GTF2IRD1: variants seen among roughly 807,000 people sequenced by gnomAD.
GTF2IRD1 encodes the protein GTF2I repeat domain containing 1, also known as general transcription factor II-I repeat domain-containing protein 1.
GTF2IRD1 carries 26 observed loss-of-function variants against 113.2 expected under a neutral mutation model. That is an observed-to-expected ratio of 0.23 (90% CI 0.17 to 0.32). The LOEUF is 0.32. Among genes scored for constraint, GTF2IRD1 ranks in the 10% least tolerant of loss-of-function variants. GTF2IRD1 has a pLI of 1.00. For missense variants in GTF2IRD1, 864 were observed against 1,280.8 expected (o/e 0.67, Z 4.97); for synonymous variants, 484 against 529.1 (o/e 0.91, Z 1.17).
At position 74,512,774 on chromosome 7, in the gene GTF2IRD1, A is replaced by G; in HGVS notation, c.124-56A>G. 2 of 1,568,120 alleles carry G rather than the reference A, an allele frequency of 1.3e-6. No homozygotes were observed. Among genetic ancestry groups the G allele is most frequent in the African/African-American group, 1.3e-5 (1 of 74,330 alleles). On this transcript the variant is annotated intron_variant, in intron 2 of 26. Coordinates refer to ENST00000424337, the MANE Select transcript of GTF2IRD1 (RefSeq NM_005685.4). This position sits in a 1 kb window ranked among gnomAD's most constrained non-coding sequence, Gnocchi z 4.4. Reference sequence around the variant, plus strand: ...ACATCCCACCCCCGAAGTGGATACTAGAGGTGTTCGGAGTATGGGGAGCCC... The same window carrying G: ...ACATCCCACCCCCGAAGTGGATACTGGAGGTGTTCGGAGTATGGGGAGCCC...
At chr7:74,570,388 G>A (rs1248787053) in intron 22 of GTF2IRD1, among the ~76,000 whole-genome samples, 4 of 149,204 alleles carry the variant, frequency 2.7e-5, no homozygotes, top group African/African-American at 9.9e-5. Context: ...GCCAGACACA[G>A]TGGCTCATTG....
chr7:74,572,237 G>A (rs922883539), intron 22 of GTF2IRD1, among the ~76,000 whole-genome samples: 2 of 152,122 alleles, frequency 1.3e-5, no homozygotes, highest in African/African-American at 4.8e-5. Flanking sequence ...CTGAAGAGCG[G>A]CAGGCACAGG....
chr7:74,476,366 C>CTTTTTTTTTTTTTTTTTTTT lies in GTF2IRD1; in HGVS notation c.-7+22201_-7+22202insTTTTTTTTTTTTTTTTTTTT, dbSNP rs61151844. On this transcript the variant is annotated intron_variant, in intron 1 of 26. Coordinates refer to ENST00000424337, the MANE Select transcript of GTF2IRD1 (RefSeq NM_005685.4). ...CCCGCTTGGAAGCCTTCTGAACCTCCTTTTTTTTTTTCTTTTGAGACGGAG... is the reference window on the plus strand; with the variant it reads ...CCCGCTTGGAAGCCTTCTGAACCTCCTTTTTTTTTTTTTTTTTTTTTTTTTTTTTTTCTTTTGAGACGGAG... Among the ~76,000 whole-genome samples, 8 of 122,160 alleles carry CTTTTTTTTTTTTTTTTTTTT rather than the reference C, an allele frequency of 6.5e-5. 1 individual carries two copies. The highest frequency in any genetic ancestry group is 4.8e-5 in the Non-Finnish European group (3 of 62,142). 80.1% of individuals were successfully genotyped at this position (122,160 alleles called of 152,430 possible).
intron 1 of GTF2IRD1, among the ~76,000 whole-genome samples, chr7:74,483,387 T>A (rs1435139615): frequency 2.0e-5 from 3 of 148,784 alleles, no homozygotes; most frequent in Admixed American, 6.7e-5. Flanking sequence ...AAAAAAAAAT[T>A]TTTTTTTTAA....
intron 20 of GTF2IRD1, among the ~76,000 whole-genome samples, chr7:74,558,346 TC>T (rs1799733260): frequency 2.2e-5 from 3 of 134,282 alleles, no homozygotes; most frequent in African/African-American, 8.7e-5. Flanking sequence ...TTCTTTCGTT[TC>T]TTTTTTTTTT....
intron 1 of GTF2IRD1, among the ~76,000 whole-genome samples, chr7:74,490,472 C>A (rs797041537): frequency 2.1e-4 from 32 of 152,140 alleles, no homozygotes; most frequent in African/African-American, 7.7e-4. Flanking sequence ...CACTCTACCC[C>A]CACTGGGGAG....
chr7:74,486,059 C>G, intron 1 of GTF2IRD1, among the ~76,000 whole-genome samples: 1 of 151,980 alleles, frequency 6.6e-6, no homozygotes, highest in East Asian at 1.9e-4. Flanking sequence ...CAACCTCCGC[C>G]TCCCAGGTTC....
At chr7:74,507,231 T>A (rs1321318823) in intron 1 of GTF2IRD1, 1 of 152,126 alleles carries the variant, frequency 6.6e-6, no homozygotes, top group African/African-American at 2.4e-5. Context: ...TCCAACACTT[T>A]GGGAGGCTGA....
chr7:74,550,566 G>C (rs1413436915), intron 17 of GTF2IRD1, among the ~76,000 whole-genome samples: 6 of 151,854 alleles, frequency 4.0e-5, no homozygotes, highest in Non-Finnish European at 8.8e-5. Flanking sequence ...TAGCCTGGGT[G>C]ACAGAGTAAG....
chr7:74,595,184 T>C (rs1375400332), intron 25 of GTF2IRD1, 133 bp downstream of exon 25: 6 of 519,220 alleles, frequency 1.2e-5, no homozygotes, highest in Non-Finnish European at 1.8e-5. Context: ...GGCAGGCAGA[T>C]CACTTGAGGT....
intron 22 of GTF2IRD1, among the ~76,000 whole-genome samples, chr7:74,564,209 T>C (rs1554359953): frequency 6.6e-6 from 1 of 152,090 alleles, no homozygotes; most frequent in African/African-American, 2.4e-5. Flanking sequence ...GTATTTTGAG[T>C]AGAGACGGGG....
chr7:74,529,982 G>A, intron 9 of GTF2IRD1, 65 bp downstream of exon 9: 1 of 1,278,464 alleles, frequency 7.8e-7, no homozygotes, highest in South Asian at 1.3e-5. Flanking sequence ...GGCCAAGGCA[G>A]GCAGATCGCT....
intron 1 of GTF2IRD1, among the ~76,000 whole-genome samples, chr7:74,459,963 A>C (rs1275051711): frequency 6.7e-6 from 1 of 149,278 alleles, no homozygotes; most frequent in African/African-American, 2.5e-5. Flanking sequence ...TGATTCACTG[A>C]ATCTTGGCTT....
At chr7:74,470,306 C>G (rs782581580) in intron 1 of GTF2IRD1, among the ~76,000 whole-genome samples, 34 of 152,124 alleles carry the variant, frequency 2.2e-4, no homozygotes, top group Non-Finnish European at 4.6e-4. Context: ...TTTTAAAATA[C>G]GCTATGCAAT....
chr7:74,497,238 C>T (rs1795784339), intron 1 of GTF2IRD1, among the ~76,000 whole-genome samples: 1 of 152,184 alleles, frequency 6.6e-6, no homozygotes, highest in Non-Finnish European at 1.5e-5. Flanking sequence ...TACCCCAAAT[C>T]ATTGAAAACA....
At chr7:74,538,007 G>T (rs1365177136) in intron 11 of GTF2IRD1, 129 bp from the exon 12 acceptor site, 5 of 790,988 alleles carry the variant, frequency 6.3e-6, no homozygotes, top group Non-Finnish European at 1.1e-5. Flanking sequence ...GAGGGCCAGG[G>T]GCCGATGGGG....
chr7:74,504,985 G>A (rs1260455884), intron 1 of GTF2IRD1, among the ~76,000 whole-genome samples: 18 of 151,984 alleles, frequency 1.2e-4, no homozygotes, highest in African/African-American at 4.4e-4. Flanking sequence ...TGGGATTACA[G>A]ACATGAGCCA....
intron 14 of GTF2IRD1, among the ~76,000 whole-genome samples, chr7:74,540,296 G>A (rs1291491839): frequency 6.6e-6 from 1 of 152,108 alleles, no homozygotes; most frequent in Admixed American, 6.6e-5. Context: ...ACAGGCATGT[G>A]CCACCATGCC....
intron 1 of GTF2IRD1, among the ~76,000 whole-genome samples, chr7:74,486,650 G>A (rs989626764): frequency 1.3e-5 from 2 of 152,080 alleles, no homozygotes; most frequent in African/African-American, 2.4e-5. Flanking sequence ...TGAGGTACCA[G>A]CCACACAGCA....
Sources: allele counts gnomAD v4.1 joint callset (sites outside exome capture counted in the v4.1 genomes callset), GRCh38; gene constraint gnomAD v4.1.1; non-coding constraint Gnocchi (gnomAD v3.1); transcripts MANE v1.5; gene names NCBI Gene and HGNC (gene_info 2026-07-23, HGNC 2026-07-21).